KCNH7: variants seen among roughly 807,000 people sequenced by gnomAD.
KCNH7 encodes voltage-gated inwardly rectifying potassium channel KCNH7.
Under a neutral mutation model 120.8 loss-of-function variants are expected in KCNH7, and 49 were observed. The observed-to-expected ratio is 0.41, with a 90% CI of 0.32 to 0.51. KCNH7 has a LOEUF of 0.51. Ranked by LOEUF, KCNH7 falls within the 20% of genes least tolerant of loss-of-function variation. KCNH7 has a pLI of 0.38. For missense variants in KCNH7, 1,097 were observed against 1,446.6 expected (o/e 0.76, Z 3.92); for synonymous variants, 547 against 516.1 (o/e 1.06, Z -0.81).
At chr2:162,706,978 T>C (rs2105351662) in intron 2 of KCNH7, among the ~76,000 whole-genome samples, 1 of 152,234 alleles carries the variant, frequency 6.6e-6, no homozygotes. Context: ...GGTTTCATGG[T>C]GTTCTTTAAC....
At chr2:162,470,427 CCGGCAGCCGCCCCG>C (rs1689474133) in intron 6 of KCNH7, among the ~76,000 whole-genome samples, 1 of 144,060 alleles carries the variant, frequency 6.9e-6, no homozygotes, top group Admixed American at 9.0e-5. Context: ...GACCCTACGC[CCGGCAGCCGCCCCG>C]TCTGAGAAGT....
chr2:162,529,175 G>T (rs1229549208), intron 3 of KCNH7, among the ~76,000 whole-genome samples: 1 of 151,964 alleles, frequency 6.6e-6, no homozygotes, highest in Non-Finnish European at 1.5e-5. Context: ...ACTGATTTTT[G>T]AGAGGGTCTT....
intron 2 of KCNH7, among the ~76,000 whole-genome samples, chr2:162,698,764 T>C (rs1200124517): frequency 6.6e-6 from 1 of 152,078 alleles, no homozygotes; most frequent in Non-Finnish European, 1.5e-5. Context: ...GGGACTACCA[T>C]GGAGATAAAT....
Position 162,503,811 on chromosome 2 carries a change from C to T in KCNH7, c.1128+632G>A, listed in dbSNP as rs188785868. ...GTAAGTGCACTGTAAGCAAAAGCTA[C>T]GTACTGCTTAGGTTGGTATATTGAT... On this transcript the variant is annotated intron_variant, in intron 6 of 15. Transcript: ENST00000332142. 2.2e-3 allele frequency among the ~76,000 whole-genome samples: 335 copies of T among 152,140 alleles called. 1 individual carries two copies. The highest frequency in any genetic ancestry group is 7.2e-3 in the African/African-American group (300 of 41,532).
At chr2:162,436,830 C>A (rs1688255854) in intron 7 of KCNH7, among the ~76,000 whole-genome samples, 1 of 152,110 alleles carries the variant, frequency 6.6e-6, no homozygotes, top group African/African-American at 2.4e-5. Flanking sequence ...AATGTTCTTG[C>A]TGGTTGTGGT....
intron 6 of KCNH7, among the ~76,000 whole-genome samples, chr2:162,488,653 A>G (rs926352541): frequency 3.7e-4 from 57 of 152,294 alleles, no homozygotes; most frequent in African/African-American, 1.2e-3. Context: ...CACTCCCACC[A>G]TAAGGTCCAT....
chr2:162,576,638 G>T (rs1299795505), intron 2 of KCNH7, among the ~76,000 whole-genome samples: 2 of 129,252 alleles, frequency 1.5e-5, no homozygotes, highest in African/African-American at 6.0e-5. Context: ...AATATTTCTA[G>T]TGTTTTGGGT....
At chr2:162,442,021 T>C (rs1409710238) in intron 7 of KCNH7, among the ~76,000 whole-genome samples, 6 of 113,552 alleles carry the variant, frequency 5.3e-5, no homozygotes, top group African/African-American at 2.2e-4. Context: ...TTTTTTTTTT[T>C]TTTTTTTTTT....
rs1689327600 is a variant in KCNH7 at position 162,466,878 on chromosome 2, T to C, written c.1129-20435A>G. Among the ~76,000 whole-genome samples, 3 of 152,118 alleles carry C rather than the reference T, an allele frequency of 2.0e-5. No individual in the cohort carries two copies. The South Asian group carries it at 6.2e-4, about 32-fold the overall frequency. On this transcript the variant is annotated intron_variant, in intron 6 of 15. Transcript: ENST00000332142. ...TGATTCAAATGTATTAAATGTAAAA[T>C]AGAATAGGAAATGATTAAAAGAGAA...
In KCNH7 at chr2:162,431,667, G is replaced by T. The variant is rs751063766; in HGVS notation, c.1954+3531C>A. Among the ~76,000 whole-genome samples, 3 of 151,900 alleles carry T rather than the reference G, an allele frequency of 2.0e-5. No homozygotes were observed. The East Asian group carries it at 5.8e-4, about 29-fold the overall frequency. ...AAGTCTTATATTCAAATAAATGATG[G>T]TATGTGAAATGTGGGTGTATCTTAC... On this transcript the variant is annotated intron_variant, in intron 8 of 15. Transcript: ENST00000332142.
intron 2 of KCNH7, among the ~76,000 whole-genome samples, chr2:162,746,835 AT>A (rs900138341): frequency 6.6e-6 from 1 of 152,158 alleles, no homozygotes; most frequent in African/African-American, 2.4e-5. Flanking sequence ...TGAGTTGTCC[AT>A]GAAGCCTTTC....
chr2:162,404,507 A>G (rs1338035099), intron 9 of KCNH7, among the ~76,000 whole-genome samples: 1 of 151,884 alleles, frequency 6.6e-6, no homozygotes, highest in East Asian at 1.9e-4. Context: ...TTGATTCCCC[A>G]TGGTTTGGTG....
intron 6 of KCNH7, among the ~76,000 whole-genome samples, chr2:162,491,331 C>A (rs192893324): frequency 1.3e-5 from 2 of 152,294 alleles, no homozygotes; most frequent in Admixed American, 6.5e-5. Flanking sequence ...CACAGCCCTG[C>A]GGATATGGGC....
At chr2:162,710,534 T>G (rs1162855605) in intron 2 of KCNH7, among the ~76,000 whole-genome samples, 5 of 152,174 alleles carry the variant, frequency 3.3e-5, no homozygotes, top group African/African-American at 1.2e-4. Context: ...AAGTTAGCAC[T>G]ATTGTCTATT....
chr2:162,819,908 A>C lies in KCNH7; in HGVS notation c.307+16629T>G, dbSNP rs562207933. Among the ~76,000 whole-genome samples, 93 of 152,200 alleles carry C rather than the reference A, an allele frequency of 6.1e-4. 1 individual carries two copies. The highest frequency in any genetic ancestry group is 8.5e-4 in the Non-Finnish European group (58 of 68,012). ...TTTGGTTTTTGTATCATCTTAGTTC[A>C]TCAAAAGGAAAAATACAATATTTTT... is the stretch of plus-strand genomic sequence containing the variant. On this transcript the variant is annotated intron_variant, in intron 2 of 15. Transcript: ENST00000332142.
rs114232145 is a variant in KCNH7, at chr2:162,771,201, G to T, written c.307+65336C>A. ...CTCCTTGAAATATGTTATGGTTTCCGGCTTCTAAATGCAAAACTAAAACTT... is the reference window on the plus strand; with the variant it reads ...CTCCTTGAAATATGTTATGGTTTCCTGCTTCTAAATGCAAAACTAAAACTT... On this transcript the variant is annotated intron_variant, in intron 2 of 15. Coordinates refer to ENST00000332142, the MANE Select transcript of KCNH7 (RefSeq NM_033272.4). Among the ~76,000 whole-genome samples, 469 of 152,088 alleles carry T rather than the reference G, an allele frequency of 3.1e-3. 4 individuals are homozygous for T. Among genetic ancestry groups the T allele is most frequent in the African/African-American group, 0.011 (450 of 41,492 alleles).
chr2:162,838,568 C>T lies in KCNH7; in HGVS notation c.-50G>A, dbSNP rs1479006488. ...GCTCCCCCGGAGCTCTGGAGTTCTCCCGGGATCTCTCCTCGGCTAGAGCCC... is the reference window on the plus strand; with the variant it reads ...GCTCCCCCGGAGCTCTGGAGTTCTCTCGGGATCTCTCCTCGGCTAGAGCCC... On this transcript the variant is annotated 5_prime_UTR_variant, in exon 1 of 16. Coordinates refer to ENST00000332142, the MANE Select transcript of KCNH7 (RefSeq NM_033272.4). The T allele has an allele frequency of 1.3e-6, 2 of 1,483,984 alleles. No homozygotes were observed. Among genetic ancestry groups the T allele is most frequent in the Admixed American group, 3.4e-5 (2 of 58,876 alleles). The allele number at this position is 1,483,984 out of a possible 1,614,324, so 91.9% of individuals were successfully genotyped here.
chr2:162,481,591 C>T (rs1022011996), intron 6 of KCNH7, among the ~76,000 whole-genome samples: 3 of 152,044 alleles, frequency 2.0e-5, no homozygotes, highest in Non-Finnish European at 2.9e-5. Context: ...AGTAAAAAAA[C>T]GAGAGAGCAA....
chr2:162,779,618 C>T (rs1683400289), intron 2 of KCNH7, among the ~76,000 whole-genome samples: 2 of 152,164 alleles, frequency 1.3e-5, no homozygotes, highest in South Asian at 4.1e-4. Context: ...GTTGCTCACA[C>T]ACTTCTTTCC....
Sources: gnomAD v4.1 joint callset for allele counts (sites outside exome capture counted in the v4.1 genomes callset) on GRCh38, gnomAD v4.1.1 for gene constraint, MANE v1.5 for transcripts, NCBI Gene and HGNC (gene_info 2026-07-23, HGNC 2026-07-21) for gene names.